The following NAV1 variants were observed in gnomAD, a reference collection of about 807,000 sequenced individuals.
The protein encoded by NAV1 is pore membrane and/or filament interacting like protein 3.
Under a neutral mutation model 175.2 loss-of-function variants are expected in NAV1, and 18 were observed. That is an observed-to-expected ratio of 0.10 (90% CI 0.07 to 0.15). The LOEUF (loss-of-function observed/expected upper bound fraction) is 0.15, where lower values mean the gene tolerates loss of function less well. NAV1 is among the 10% of genes least tolerant of loss of function. NAV1 has a pLI of 1.00. For missense variants in NAV1, 1,731 were observed against 2,436.6 expected (o/e 0.71, Z 6.10); for synonymous variants, 897 against 978.7 (o/e 0.92, Z 1.56).
At chr1:201,737,781 C>T (rs1368361831) in intron 3 of NAV1, among the ~76,000 whole-genome samples, 2 of 152,230 alleles carry the variant, frequency 1.3e-5, no homozygotes, top group Non-Finnish European at 2.9e-5. Flanking sequence ...GGAAAGCTTA[C>T]AGCTAGATCT....
At chr1:201,754,711 A>G (rs1247760459) in intron 3 of NAV1, among the ~76,000 whole-genome samples, 1 of 152,206 alleles carries the variant, frequency 6.6e-6, no homozygotes, top group Non-Finnish European at 1.5e-5. Context: ...CTCCTGCTCT[A>G]TCTGCTTTTA....
intron 29 of NAV1, among the ~76,000 whole-genome samples, chr1:201,817,544 A>T (rs924390389): frequency 1.3e-5 from 2 of 152,200 alleles, no homozygotes; most frequent in Non-Finnish European, 2.9e-5. Context: ...AAGAGTGAGC[A>T]CTAGCAAAGC....
Position 201,812,386 on chromosome 1 carries a change from G to A in NAV1, c.5025-79G>A. 1.4e-6 allele frequency: 2 copies of A among 1,404,230 alleles called. No individual in the cohort carries two copies. The highest frequency in any genetic ancestry group is 2.0e-6 in the Non-Finnish European group (2 of 1,005,262). The allele number at this position is 1,404,230 out of a possible 1,614,324, so 87.0% of individuals were successfully genotyped here. On this transcript the variant is annotated intron_variant, in intron 26 of 29. Transcript: ENST00000367296. The surrounding 1 kb of genome is among the most constrained non-coding windows in gnomAD (Gnocchi z 4.6). ...CATTAGTGAGAAGCAGGCAGAAGGA[G>A]GGACAGACTGGCAGGGGCTGAACCC...
chr1:201,620,747 G>C (rs546955715), upstream of NAV1, among the ~76,000 whole-genome samples: 1 of 151,986 alleles, frequency 6.6e-6, no homozygotes, highest in African/African-American at 2.4e-5. Flanking sequence ...GGGATTACAG[G>C]TGTGAGCCAC....
At chr1:201,572,602 T>C (rs1270131146) in intron 1 of NAV1, among the ~76,000 whole-genome samples, 1 of 151,854 alleles carries the variant, frequency 6.6e-6, no homozygotes, top group Non-Finnish European at 1.5e-5. Flanking sequence ...ACTCCTGACC[T>C]CATGATCCAC....
chr1:201,689,750 C>T (rs1387630873), intron 1 of NAV1, among the ~76,000 whole-genome samples: 2 of 152,196 alleles, frequency 1.3e-5, no homozygotes, highest in Non-Finnish European at 2.9e-5. Flanking sequence ...AATACAACAA[C>T]AACAAAATCT....
chr1:201,620,295 C>T (rs752332216), upstream of NAV1, among the ~76,000 whole-genome samples: 7 of 152,208 alleles, frequency 4.6e-5, no homozygotes, highest in Admixed American at 1.3e-4. Flanking sequence ...CCATAATGTC[C>T]TTTGTCTTCA....
At chr1:201,803,522 C>G (rs969966721) in intron 15 of NAV1, 71 bp from the exon 20 acceptor site, 5 of 1,527,348 alleles carry the variant, frequency 3.3e-6, no homozygotes, top group Non-Finnish European at 4.4e-6. Context: ...TCTTCTGCCA[C>G]TAGACTTGCC....
intron 6 of NAV1, 52 bp from the exon 11 acceptor site, chr1:201,783,354 C>A: frequency 6.4e-7 from 1 of 1,550,540 alleles, no homozygotes; most frequent in Non-Finnish European, 8.8e-7. Flanking sequence ...TCCTATCTGC[C>A]TCTCACTCTG....
chr1:201,662,101 TA>T (rs777164117), intron 1 of NAV1, among the ~76,000 whole-genome samples: 2 of 152,248 alleles, frequency 1.3e-5, no homozygotes, highest in Non-Finnish European at 2.9e-5. Context: ...CCTTAGCCAC[TA>T]TGCCATGAGG....
chr1:201,751,926 T>C (rs1255512138), intron 3 of NAV1, among the ~76,000 whole-genome samples: 1 of 152,264 alleles, frequency 6.6e-6, no homozygotes, highest in East Asian at 1.9e-4. Flanking sequence ...TTCGTTCTTT[T>C]TTTGTTCAAA....
intron 15 of NAV1, chr1:201,795,242 T>TA (rs1200746742): frequency 6.6e-6 from 1 of 152,292 alleles, no homozygotes; most frequent in Non-Finnish European, 1.5e-5. Context: ...ACTCTGAACA[T>TA]AGCTTTGGCG....
chr1:201,739,012 G>A (rs1673236144), intron 3 of NAV1, among the ~76,000 whole-genome samples: 1 of 152,124 alleles, frequency 6.6e-6, no homozygotes, highest in Admixed American at 6.5e-5. Flanking sequence ...CCCCCCACAG[G>A]GCTCCTTTCT....
At chr1:201,730,484 A>G (rs959665201) in intron 3 of NAV1, among the ~76,000 whole-genome samples, 6 of 152,186 alleles carry the variant, frequency 3.9e-5, no homozygotes, top group Non-Finnish European at 7.4e-5. Context: ...TGTGAGCATG[A>G]CAGGGGCAGG....
At chr1:201,752,084 G>C (rs1674145296) in intron 3 of NAV1, among the ~76,000 whole-genome samples, 1 of 152,074 alleles carries the variant, frequency 6.6e-6, no homozygotes, top group Non-Finnish European at 1.5e-5. Flanking sequence ...CAGCTGTCCT[G>C]TTCTCTGAAG....
intron 1 of NAV1, 58 bp from the exon 6 acceptor site, chr1:201,712,759 C>T: frequency 1.6e-6 from 2 of 1,230,174 alleles, no homozygotes; most frequent in Non-Finnish European, 2.4e-6. Context: ...TCCTGACCCC[C>T]AGGATCCCAG....
In NAV1 at chr1:201,629,953, C is replaced by T. The variant is rs536215023; in HGVS notation, c.4+446C>T. ...CCACTCCCACACATGTCCCCTTCCC[C>T]GTGTCATCCTGTAGTCATGAGATAT... On this transcript the variant is annotated intron_variant, in intron 2 of 29. Coordinates refer to the NAV1 transcript ENST00000367302. Among the ~76,000 whole-genome samples, 16 of 152,312 alleles carry T rather than the reference C, an allele frequency of 1.1e-4. No individual in the cohort carries two copies. The East Asian group carries it at 2.5e-3, about 24-fold the overall frequency.
chr1:201,676,941 G>C (rs1240481207), intron 1 of NAV1, among the ~76,000 whole-genome samples: 2 of 152,044 alleles, frequency 1.3e-5, no homozygotes, highest in African/African-American at 4.8e-5. Context: ...TGAGTGGCAA[G>C]ACATTTCAAG....
chr1:201,769,109 C>T (rs967369871), intron 3 of NAV1, among the ~76,000 whole-genome samples: 3 of 152,174 alleles, frequency 2.0e-5, no homozygotes, highest in African/African-American at 7.2e-5. Context: ...GCCCTGTCTC[C>T]TTAAAATTAT....
Sources: allele counts gnomAD v4.1 joint callset (sites outside exome capture counted in the v4.1 genomes callset), GRCh38; gene constraint gnomAD v4.1.1; non-coding constraint Gnocchi (gnomAD v3.1); transcripts MANE v1.5; gene names NCBI Gene and HGNC (gene_info 2026-07-23, HGNC 2026-07-21).